The following PLAT variants were observed in gnomAD, a reference collection of about 807,000 sequenced individuals.
PLAT encodes the protein tissue-type plasminogen activator.
A neutral mutation model predicts 74.9 loss-of-function variants in PLAT; 48 were observed. The ratio of observed to expected loss-of-function variants is 0.64; its 90% CI spans 0.51 to 0.82. PLAT has a LOEUF of 0.82. Among genes scored for constraint, PLAT ranks in the 40% least tolerant of loss-of-function variants. The pLI, the probability that PLAT is intolerant of heterozygous loss-of-function variation, is 0.00. For missense variants in PLAT, 673 were observed against 736.2 expected (o/e 0.91, Z 0.99); for synonymous variants, 307 against 294.4 (o/e 1.04, Z -0.44).
intron 1 of PLAT, among the ~76,000 whole-genome samples, chr8:42,194,011 C>G (rs1293702012): frequency 8.1e-6 from 1 of 122,920 alleles, no homozygotes; most frequent in South Asian, 2.7e-4. Flanking sequence ...ACCGCGCCCC[C>G]GCTGCCTTTT....
intron 1 of PLAT, among the ~76,000 whole-genome samples, chr8:42,204,805 G>T (rs1172743968): frequency 6.6e-6 from 1 of 151,444 alleles, no homozygotes; most frequent in African/African-American, 2.4e-5. Context: ...AGATCACGAG[G>T]TCAGGAGTTC....
chr8:42,203,969 T>TTA (rs373313453), intron 1 of PLAT, among the ~76,000 whole-genome samples: 10,577 of 104,734 alleles, frequency 0.1, 743 homozygotes, highest in South Asian at 0.16. Flanking sequence ...TGTCTCTAAA[T>TTA]TATATATATA....
At position 42,180,636 on chromosome 8, in the gene PLAT, T is replaced by A; in HGVS notation, c.939A>T (p.Gly313=). The A allele has an allele frequency of 6.2e-7, 1 of 1,607,752 alleles. No individual in the cohort carries two copies. Among genetic ancestry groups the A allele is most frequent in the Non-Finnish European group, 8.5e-7 (1 of 1,176,140 alleles). The change falls in exon 10 of 14, where the codon GGA becomes GGT. Residue 313 remains glycine (G), a synonymous_variant. Coordinates refer to ENST00000220809, the MANE Select transcript of PLAT (RefSeq NM_000930.5). ...QYSQPQFRIK[G]GLFADIASHP... ...GGGAGGCGATGTCGGCGAAGAGCCCTCCTTTGATGCGAAACTGAGGCTGGC... is the reference window on the plus strand; with the variant it reads ...GGGAGGCGATGTCGGCGAAGAGCCCACCTTTGATGCGAAACTGAGGCTGGC...
chr8:42,179,110 A>G, intron 12 of PLAT, 47 bp from the exon 13 acceptor site: 2 of 1,494,464 alleles, frequency 1.3e-6, no homozygotes, highest in Non-Finnish European at 1.8e-6. Context: ...GTTATTTATA[A>G]ACGTTTTTGA....
chr8:42,193,416 C>G (rs1317351212), intron 1 of PLAT, among the ~76,000 whole-genome samples: 1 of 152,186 alleles, frequency 6.6e-6, no homozygotes, highest in African/African-American at 2.4e-5. Flanking sequence ...AATTTACCAC[C>G]TTAACGATGT....
At chr8:42,187,225 T>C (rs1301938799) in intron 6 of PLAT, 173 bp downstream of exon 6, 3 of 516,892 alleles carry the variant, frequency 5.8e-6, no homozygotes, top group Non-Finnish European at 1.0e-5. Context: ...TCATCTATCA[T>C]CTATCAATCT....
intron 3 of PLAT, among the ~76,000 whole-genome samples, chr8:42,190,479 A>C (rs1216652097): frequency 1.3e-5 from 2 of 152,214 alleles, no homozygotes; most frequent in African/African-American, 4.8e-5. Flanking sequence ...CAACTTAAAA[A>C]ACAACAACTT....
chr8:42,198,727 T>C (rs1806014767), intron 1 of PLAT, among the ~76,000 whole-genome samples: 1 of 152,244 alleles, frequency 6.6e-6, no homozygotes, highest in Admixed American at 6.5e-5. Flanking sequence ...CAAAGTTTGC[T>C]ACATTTATCT....
Position 42,191,352 on chromosome 8 carries a change from ACC to A in PLAT, c.115+18_115+19del. ...GCCTCCCTCCCTGATGACCCCATGC[ACC>A]CCTCAGCTTCACCCGACCTTGGTAA... On this transcript the variant is annotated intron_variant, in intron 3 of 13. Coordinates refer to ENST00000220809, the MANE Select transcript of PLAT (RefSeq NM_000930.5). 6.2e-7 allele frequency: 1 copy of A among 1,611,296 alleles called. No individual in the cohort carries two copies. The highest frequency in any genetic ancestry group is 8.5e-7 in the Non-Finnish European group (1 of 1,177,478).
At position 42,197,416 on chromosome 8, in the gene PLAT, G is replaced by A. The variant is rs8178711; in HGVS notation, c.-26-4205C>T. Reference sequence around the variant, plus strand: ...AATGATGACTGTTCTTGGGGAAAACGGGAACAATAGTCTGGTAACCAGGAA... The same window carrying A: ...AATGATGACTGTTCTTGGGGAAAACAGGAACAATAGTCTGGTAACCAGGAA... On this transcript the variant is annotated intron_variant, in intron 1 of 13. Transcript: ENST00000220809. Among the ~76,000 whole-genome samples, 843 of 152,316 alleles carry A rather than the reference G, an allele frequency of 5.5e-3. 8 individuals carry two copies. Among genetic ancestry groups the A allele is most frequent in the African/African-American group, 0.019 (797 of 41,556 alleles).
intron 12 of PLAT, among the ~76,000 whole-genome samples, 177 bp from the exon 13 acceptor site, chr8:42,179,240 C>T (rs900820899): frequency 2.6e-5 from 4 of 152,166 alleles, no homozygotes; most frequent in Non-Finnish European, 2.9e-5. Context: ...AGCAGGATTC[C>T]GGGATTGAAC....
intron 13 of PLAT, among the ~76,000 whole-genome samples, chr8:42,176,882 G>C (rs897527774): frequency 6.6e-6 from 1 of 151,226 alleles, no homozygotes; most frequent in African/African-American, 2.5e-5. Flanking sequence ...AATATTGAAT[G>C]TTAGAAGTGT....
At chr8:42,204,674 C>T (rs1280369430) in intron 1 of PLAT, among the ~76,000 whole-genome samples, 2 of 149,462 alleles carry the variant, frequency 1.3e-5, no homozygotes, top group African/African-American at 5.0e-5. Flanking sequence ...AAGATTGTGC[C>T]ACTGCACCCC....
intron 6 of PLAT, 101 bp from the exon 7 acceptor site, chr8:42,185,273 G>A (rs1011227173): frequency 3.2e-6 from 2 of 621,594 alleles, no homozygotes; most frequent in East Asian, 6.1e-5. Flanking sequence ...AATGGGGGGT[G>A]CTTTTTTTTT....
chr8:42,198,734 A>G (rs1806015235), intron 1 of PLAT, among the ~76,000 whole-genome samples: 1 of 152,254 alleles, frequency 6.6e-6, no homozygotes, highest in African/African-American at 2.4e-5. Context: ...TGCTACATTT[A>G]TCTTTGGTCA....
chr8:42,184,696 T>C (rs1378535279), intron 7 of PLAT: 1 of 131,258 alleles, frequency 7.6e-6, no homozygotes, highest in East Asian at 1.9e-4. Flanking sequence ...TCTTGGAAGT[T>C]TTTTTTTTTT....
chr8:42,177,380 A>AGT (rs1467560679), intron 13 of PLAT, among the ~76,000 whole-genome samples: 4 of 152,208 alleles, frequency 2.6e-5, no homozygotes, highest in Non-Finnish European at 5.9e-5. Flanking sequence ...CTTACTGAAG[A>AGT]GTGGGTAGAT....
At position 42,180,497 on chromosome 8, in the gene PLAT, G is replaced by A; in HGVS notation, c.1078C>T (p.Gln360Ter). ...GGGTTTCCGAGCCCCTACCTCTCCT[G>A]GAAGCAGTGGGCGGCAGAGAGAATC... The part of the protein sequence containing the change: ...CWILSAAHCF[Q>*]ERFPPHHLTV... Residue 360 changes from glutamine (Q) to a stop codon, truncating the protein, a stop_gained, in exon 10 of 14, where the codon CAG (glutamine) becomes TAG (stop). Coordinates refer to ENST00000220809, the MANE Select transcript of PLAT (RefSeq NM_000930.5). LOFTEE classifies it high-confidence loss of function. 6.2e-7 allele frequency: 1 copy of A among 1,614,054 alleles called. No individual in the cohort carries two copies. The highest frequency in any genetic ancestry group is 8.5e-7 in the Non-Finnish European group (1 of 1,180,028).
Position 42,180,268 on chromosome 8 carries a change from T to C in PLAT, c.1196A>G (p.Asp399Gly). ...VEKYIVHKEF[D>G]DDTYDNDIAL... Reference sequence around the variant, plus strand: ...AATGTCATTGTCGTAAGTGTCATCATCGAATTCCTTATGGACAATGTATTT... The same window carrying C: ...AATGTCATTGTCGTAAGTGTCATCACCGAATTCCTTATGGACAATGTATTT... Residue 399 changes from aspartate to glycine, a missense_variant, in exon 11 of 14, where the codon GAT (aspartate) becomes GGT (glycine). Asp to Gly is a moderately conservative substitution (Grantham distance 94). Coordinates refer to ENST00000220809, the MANE Select transcript of PLAT (RefSeq NM_000930.5). 2 of 1,614,254 alleles carry C rather than the reference T, an allele frequency of 1.2e-6. No individual in the cohort carries two copies. Among genetic ancestry groups the C allele is most frequent in the Non-Finnish European group, 1.7e-6 (2 of 1,180,034 alleles).
Sources: allele counts gnomAD v4.1 joint callset (sites outside exome capture counted in the v4.1 genomes callset), GRCh38; gene constraint gnomAD v4.1.1; transcripts MANE v1.5; gene names NCBI Gene and HGNC (gene_info 2026-07-23, HGNC 2026-07-21).